Variants in UBQLN2 observed in about 807,000 individuals in gnomAD.
The protein encoded by UBQLN2 is ubiquilin-2.
In UBQLN2, 2 loss-of-function variants were observed where a neutral mutation model predicts 22.2. The observed-to-expected ratio is 0.09, with a 90% CI of 0.04 to 0.28. The LOEUF is 0.28. Among genes scored for constraint, UBQLN2 ranks in the 10% least tolerant of loss-of-function variants. UBQLN2 has a pLI of 1.00. For missense variants in UBQLN2, 446 were observed against 505.1 expected, an observed-to-expected ratio of 0.88 and a Z score of 1.12; for synonymous variants, 252 against 206.7, an observed-to-expected ratio of 1.22 and a Z score of -1.88.
rs2068647360 is a variant in UBQLN2 at position 56,567,319 on chromosome X, A to T, written c.*1571A>T. 8.2e-6 allele frequency: 1 copy of T among 122,306 alleles called. No individual in the cohort carries two copies. The highest frequency in any genetic ancestry group is 1.9e-5 in the Non-Finnish European group (1 of 52,928). The allele number at this position is 122,306 out of a possible 1,213,427, so 10.1% of individuals were successfully genotyped here. A position where few individuals can be genotyped will look rare whatever the true frequency, so the allele number is the denominator to read the frequency against. On this transcript the variant is annotated 3_prime_UTR_variant, in exon 1 of 1. Transcript: ENST00000338222. The stretch of plus-strand genomic sequence containing the variant: ...GTGAGACCTCCTCTTGATCTTTTTT[A>T]TTTTTTACAATATTCTGACGATTCT...
At position 56,564,564 on chromosome X, in the gene UBQLN2, A is replaced by T; in HGVS notation, c.691A>T (p.Met231Leu). Reference sequence around the variant, plus strand: ...TCACCTGCTCAACAACCCAGACATAATGAGGCAGACACTCGAAATTGCCAG... The same window carrying T: ...TCACCTGCTCAACAACCCAGACATATTGAGGCAGACACTCGAAATTGCCAG... Reference protein sequence around the residue: ...ISHLLNNPDIMRQTLEIARNP... With the variant: ...ISHLLNNPDILRQTLEIARNP... Residue 231 changes from methionine (M) to leucine (L), a missense_variant, in exon 1 of 1, where the codon ATG becomes TTG. Physicochemically the swap from Met to Leu is conservative, Grantham distance 15. Transcript: ENST00000338222. 1 of 1,211,847 alleles carries T rather than the reference A, an allele frequency of 8.3e-7. No individual in the cohort carries two copies. The highest frequency in any genetic ancestry group is 1.1e-6 in the Non-Finnish European group (1 of 895,484).
In UBQLN2 at chrX:56,565,601, G is replaced by C. The variant is rs761051735; in HGVS notation, c.1728G>C (p.Pro576=). The change falls in exon 1 of 1, where the codon CCG becomes CCC. Residue 576 remains proline (P), a synonymous_variant. Coordinates refer to ENST00000338222, the MANE Select transcript of UBQLN2 (RefSeq NM_013444.4). ...ALAGANAPQL[P]NPEVRFQQQL... Reference sequence around the variant, plus strand: ...CTGGAGCAAATGCTCCACAGCTGCCGAATCCAGAAGTCAGATTTCAGCAAC... The same window carrying C: ...CTGGAGCAAATGCTCCACAGCTGCCCAATCCAGAAGTCAGATTTCAGCAAC... 1.7e-6 allele frequency: 2 copies of C among 1,212,022 alleles called. No individual in the cohort carries two copies. Among genetic ancestry groups the C allele is most frequent in the Admixed American group, 4.3e-5 (2 of 46,099 alleles).
Position 56,566,919 on chromosome X carries a change from T to A in UBQLN2, c.*1171T>A, listed in dbSNP as rs937418356. Reference sequence around the variant, plus strand: ...CAGAGAAAAATGCATTAAAAATGACTAAAAAAAATAAAAAATTAAAAAATG... The same window carrying A: ...CAGAGAAAAATGCATTAAAAATGACAAAAAAAAATAAAAAATTAAAAAATG... On this transcript the variant is annotated 3_prime_UTR_variant, in exon 1 of 1. Coordinates refer to ENST00000338222, the MANE Select transcript of UBQLN2 (RefSeq NM_013444.4). 1 of 122,748 alleles carries A rather than the reference T, an allele frequency of 8.1e-6. No individual in the cohort carries two copies. The highest frequency in any genetic ancestry group is 9.5e-5 in the Admixed American group (1 of 10,531). The allele number at this position is 122,748 out of a possible 1,213,427, so 10.1% of individuals were successfully genotyped here. A position where few individuals can be genotyped will look rare whatever the true frequency, so the allele number is the denominator to read the frequency against.
In UBQLN2 at chrX:56,565,280, A is replaced by G. The variant is rs2146636459; in HGVS notation, c.1407A>G (p.Ala469=). The part of the protein sequence containing the change: ...QQGLQTLATE[A]PGLIPSFTPG... The stretch of plus-strand genomic sequence containing the variant: ...GGCTACAGACATTAGCCACTGAAGC[A>G]CCTGGCCTGATTCCGAGCTTCACTC... The change falls in exon 1 of 1, where the codon GCA becomes GCG. Residue 469 remains alanine (A), a synonymous_variant. Coordinates refer to ENST00000338222, the MANE Select transcript of UBQLN2 (RefSeq NM_013444.4). The G allele has an allele frequency of 1.7e-6, 2 of 1,211,890 alleles. No individual in the cohort carries two copies. Among genetic ancestry groups the G allele is most frequent in the East Asian group, 5.9e-5 (2 of 33,832 alleles).
chrX:56,566,624 G>A lies in UBQLN2; in HGVS notation c.*876G>A, dbSNP rs953234222. On this transcript the variant is annotated 3_prime_UTR_variant, in exon 1 of 1. Coordinates refer to ENST00000338222, the MANE Select transcript of UBQLN2 (RefSeq NM_013444.4). Reference sequence around the variant, plus strand: ...CATTTAATTGTACAGAAAATTTACAGTGTAACATTGTGTCAACATTTGCAG... The same window carrying A: ...CATTTAATTGTACAGAAAATTTACAATGTAACATTGTGTCAACATTTGCAG... 2 of 123,474 alleles carry A rather than the reference G, an allele frequency of 1.6e-5. No individual in the cohort carries two copies. Among genetic ancestry groups the A allele is most frequent in the Admixed American group, 1.9e-4 (2 of 10,617 alleles). The allele number at this position is 123,474 out of a possible 1,213,427, so 10.2% of individuals were successfully genotyped here. A position where few individuals can be genotyped will look rare whatever the true frequency, so the allele number is the denominator to read the frequency against.
Position 56,567,093 on chromosome X carries a change from G to A in UBQLN2, c.*1345G>A, listed in dbSNP as rs2068646300. 8.1e-6 allele frequency: 1 copy of A among 122,703 alleles called. No individual in the cohort carries two copies. The highest frequency in any genetic ancestry group is 3.3e-5 in the African/African-American group (1 of 30,554). The allele number at this position is 122,703 out of a possible 1,213,427, so 10.1% of individuals were successfully genotyped here. ...TTGTCCTGTCTGGAATTATCTTGAT[G>A]TATGGATTTAGGTATTCTAACTTTT... On this transcript the variant is annotated 3_prime_UTR_variant, in exon 1 of 1. Transcript: ENST00000338222.
In UBQLN2 at chrX:56,567,683, G is replaced by A. The variant is rs190137070; in HGVS notation, c.*1935G>A. The A allele has an allele frequency of 8.2e-6, 1 of 122,528 alleles. No homozygotes were observed. 10.1% of individuals were successfully genotyped at this position (122,528 alleles called of 1,213,427 possible). ...TTATTTGCATCGATTATTTTAAATT[G>A]GCAATTTATTGAAATCTATTAATTT... On this transcript the variant is annotated 3_prime_UTR_variant, in exon 1 of 1. Transcript: ENST00000338222.
rs1327205743 is a variant in UBQLN2, at chrX:56,565,919, C to T, written c.*171C>T. The T allele has an allele frequency of 5.9e-6, 3 of 508,909 alleles. No homozygotes were observed. The highest frequency in any genetic ancestry group is 1.0e-5 in the Non-Finnish European group (3 of 297,235). 41.9% of individuals were successfully genotyped at this position (508,909 alleles called of 1,213,427 possible). A position where few individuals can be genotyped will look rare whatever the true frequency, so the allele number is the denominator to read the frequency against. Reference sequence around the variant, plus strand: ...GATGGAGTCCCTCCCTCCTACTTCCCTCACTCCCTTTCTCCTTTGCTTATT... The same window carrying T: ...GATGGAGTCCCTCCCTCCTACTTCCTTCACTCCCTTTCTCCTTTGCTTATT... On this transcript the variant is annotated 3_prime_UTR_variant, in exon 1 of 1. Transcript: ENST00000338222.
rs772359259 is a variant in UBQLN2, at chrX:56,567,483, G to A, written c.*1735G>A. ...TTGCATTGCTTTCCAGAAACATGTTGCCTTGTTTCTGAAAAACTTTATATA... is the reference window on the plus strand; with the variant it reads ...TTGCATTGCTTTCCAGAAACATGTTACCTTGTTTCTGAAAAACTTTATATA... On this transcript the variant is annotated 3_prime_UTR_variant, in exon 1 of 1. Coordinates refer to ENST00000338222, the MANE Select transcript of UBQLN2 (RefSeq NM_013444.4). 21 of 122,685 alleles carry A rather than the reference G, an allele frequency of 1.7e-4. No individual in the cohort carries two copies. The highest frequency in any genetic ancestry group is 3.4e-4 in the Non-Finnish European group (18 of 53,039). 10.1% of individuals were successfully genotyped at this position (122,685 alleles called of 1,213,427 possible). A position where few individuals can be genotyped will look rare whatever the true frequency, so the allele number is the denominator to read the frequency against.
chrX:56,563,723 G>T lies in UBQLN2; in HGVS notation c.-151G>T, dbSNP rs1000551691. 1.4e-5 allele frequency: 6 copies of T among 423,582 alleles called. No individual in the cohort carries two copies. Among genetic ancestry groups the T allele is most frequent in the African/African-American group, 1.3e-4 (5 of 38,306 alleles). The allele number at this position is 423,582 out of a possible 1,213,427, so 34.9% of individuals were successfully genotyped here. ...TTCTCCACCGGAGGACCAGGGAACC[G>T]CAGTCTTCATCACAGAGGTACCGTG... On this transcript the variant is annotated 5_prime_UTR_variant, in exon 1 of 1. Transcript: ENST00000338222.
At position 56,564,897 on chromosome X, in the gene UBQLN2, T is replaced by G. The variant is rs1409540065; in HGVS notation, c.1024T>G (p.Ser342Ala). ...TSTTTSTGSG[S>A]GNSSSNATGN... Reference sequence around the variant, plus strand: ...CACGACCACAAGCACTGGTAGTGGGTCTGGCAATAGTTCCAGCAATGCTAC... The same window carrying G: ...CACGACCACAAGCACTGGTAGTGGGGCTGGCAATAGTTCCAGCAATGCTAC... Residue 342 changes from serine to alanine, a missense_variant, in exon 1 of 1, where the codon TCT (serine) becomes GCT (alanine). By Grantham distance (99) the Ser-to-Ala change is moderately conservative. This residue lies in a region of UBQLN2 where 278 missense variants were observed against 279.4 expected (regional missense o/e 1.00). Coordinates refer to ENST00000338222, the MANE Select transcript of UBQLN2 (RefSeq NM_013444.4). 1 of 1,208,994 alleles carries G rather than the reference T, an allele frequency of 8.3e-7. No individual in the cohort carries two copies. The highest frequency in any genetic ancestry group is 1.1e-6 in the Non-Finnish European group (1 of 894,814).
At position 56,567,517 on chromosome X, in the gene UBQLN2, G is replaced by A. The variant is rs1246197482; in HGVS notation, c.*1769G>A. ...CTGAAAAACTTTATATATCCTTCAA[G>A]AGAGTTTTACTTAAATCCTATATAA... On this transcript the variant is annotated 3_prime_UTR_variant, in exon 1 of 1. Transcript: ENST00000338222. 2 of 122,684 alleles carry A rather than the reference G, an allele frequency of 1.6e-5. No individual in the cohort carries two copies. The highest frequency in any genetic ancestry group is 5.6e-4 in the East Asian group (2 of 3,581). The allele number at this position is 122,684 out of a possible 1,213,427, so 10.1% of individuals were successfully genotyped here.
In UBQLN2 at chrX:56,565,926, C is replaced by G; in HGVS notation, c.*178C>G. 2.0e-6 allele frequency: 1 copy of G among 490,040 alleles called. No individual in the cohort carries two copies. Among genetic ancestry groups the G allele is most frequent in the Non-Finnish European group, 3.5e-6 (1 of 283,614 alleles). 40.4% of individuals were successfully genotyped at this position (490,040 alleles called of 1,213,427 possible). ...TCCCTCCCTCCTACTTCCCTCACTCCCTTTCTCCTTTGCTTATTTTTCCTA... is the reference window on the plus strand; with the variant it reads ...TCCCTCCCTCCTACTTCCCTCACTCGCTTTCTCCTTTGCTTATTTTTCCTA... On this transcript the variant is annotated 3_prime_UTR_variant, in exon 1 of 1. Coordinates refer to ENST00000338222, the MANE Select transcript of UBQLN2 (RefSeq NM_013444.4).
At position 56,566,768 on chromosome X, in the gene UBQLN2, G is replaced by A. The variant is rs1476424512; in HGVS notation, c.*1020G>A. The A allele has an allele frequency of 8.2e-6, 1 of 122,517 alleles. No homozygotes were observed. Among genetic ancestry groups the A allele is most frequent in the Non-Finnish European group, 1.9e-5 (1 of 53,012 alleles). The allele number at this position is 122,517 out of a possible 1,213,427, so 10.1% of individuals were successfully genotyped here. On this transcript the variant is annotated 3_prime_UTR_variant, in exon 1 of 1. Coordinates refer to ENST00000338222, the MANE Select transcript of UBQLN2 (RefSeq NM_013444.4). ...TTCTCCCATAAAGAGACCCTAATATGCATTTTGATTTGTAATTGGAAATGT... is the reference window on the plus strand; with the variant it reads ...TTCTCCCATAAAGAGACCCTAATATACATTTTGATTTGTAATTGGAAATGT...
rs974532374 is a variant in UBQLN2, at chrX:56,567,477, C to A, written c.*1729C>A. 1.6e-5 allele frequency: 2 copies of A among 122,963 alleles called. No individual in the cohort carries two copies. Among genetic ancestry groups the A allele is most frequent in the African/African-American group, 3.3e-5 (1 of 30,724 alleles). 10.1% of individuals were successfully genotyped at this position (122,963 alleles called of 1,213,427 possible). The stretch of plus-strand genomic sequence containing the variant: ...ACAGAATTGCATTGCTTTCCAGAAA[C>A]ATGTTGCCTTGTTTCTGAAAAACTT... On this transcript the variant is annotated 3_prime_UTR_variant, in exon 1 of 1. Coordinates refer to ENST00000338222, the MANE Select transcript of UBQLN2 (RefSeq NM_013444.4).
rs1402764163 is a variant in UBQLN2 at position 56,567,786 on chromosome X, T to C, written c.*2038T>C. 1 of 123,140 alleles carries C rather than the reference T, an allele frequency of 8.1e-6. No homozygotes were observed. The highest frequency in any genetic ancestry group is 1.9e-5 in the Non-Finnish European group (1 of 53,188). The allele number at this position is 123,140 out of a possible 1,213,427, so 10.1% of individuals were successfully genotyped here. A position where few individuals can be genotyped will look rare whatever the true frequency, so the allele number is the denominator to read the frequency against. ...ATTATGTTATAATTATATGTTTTCC[T>C]TTTCAAAATTTATAACATAATTTCT... On this transcript the variant is annotated 3_prime_UTR_variant, in exon 1 of 1. Transcript: ENST00000338222.
chrX:56,566,277 C>T lies in UBQLN2; in HGVS notation c.*529C>T, dbSNP rs1490260903. ...ATTTGAAGCTCTCTAATTTGTGGTA[C>T]GATATTGCTTATTGTGACTTTGGCA... On this transcript the variant is annotated 3_prime_UTR_variant, in exon 1 of 1. Transcript: ENST00000338222. 1.4e-5 allele frequency: 2 copies of T among 140,543 alleles called. No homozygotes were observed. Among genetic ancestry groups the T allele is most frequent in the African/African-American group, 3.2e-5 (1 of 30,958 alleles). 11.6% of individuals were successfully genotyped at this position (140,543 alleles called of 1,213,427 possible).
Position 56,564,634 on chromosome X carries a change from C to G in UBQLN2, c.761C>G (p.Ala254Gly). 1 of 1,210,439 alleles carries G rather than the reference C, an allele frequency of 8.3e-7. No individual in the cohort carries two copies. Among genetic ancestry groups the G allele is most frequent in the Non-Finnish European group, 1.1e-6 (1 of 894,723 alleles). Reference protein sequence around the residue: ...MQEMMRNQDLALSNLESIPGG... With the variant: ...MQEMMRNQDLGLSNLESIPGG... The stretch of plus-strand genomic sequence containing the variant: ...GAGATGATGAGAAATCAAGACCTGG[C>G]TCTTAGCAATCTAGAAAGCATCCCA... Residue 254 changes from alanine (A) to glycine (G), a missense_variant, in exon 1 of 1, where the codon GCT becomes GGT. Physicochemically the swap from Ala to Gly is moderately conservative, Grantham distance 60. This residue lies in a region of UBQLN2 where 129 missense variants were observed against 198.1 expected (regional missense o/e 0.65). Transcript: ENST00000338222.
At position 56,564,278 on chromosome X, in the gene UBQLN2, T is replaced by C. The variant is rs752495903; in HGVS notation, c.405T>C (p.Pro135=). ...CGACTCCCAGGAGTAACTCCACACC[T>C]ATTTCCACAAATAGCAACCCGTTTG... is the stretch of plus-strand genomic sequence containing the variant. The part of the protein sequence containing the change: ...SASTPRSNST[P]ISTNSNPFGL... Residue 135 remains proline (P), a synonymous_variant, in exon 1 of 1, where the codon CCT becomes CCC. Coordinates refer to ENST00000338222, the MANE Select transcript of UBQLN2 (RefSeq NM_013444.4). The C allele has an allele frequency of 8.5e-5, 103 of 1,208,922 alleles. No individual in the cohort carries two copies. Among genetic ancestry groups the C allele is most frequent in the Non-Finnish European group, 1.1e-4 (102 of 894,909 alleles).
Sources: gnomAD v4.1 joint callset for allele counts on GRCh38, gnomAD v4.1.1 for gene constraint, gnomAD v4.1.1 regional missense constraint, MANE v1.5 for transcripts, NCBI Gene and HGNC (gene_info 2026-07-23, HGNC 2026-07-21) for gene names.